GLB1: variants seen among roughly 807,000 people sequenced by gnomAD.
The protein encoded by GLB1 is galactosidase beta 1, also known as beta-galactosidase.
A neutral mutation model predicts 74.0 loss-of-function variants in GLB1; 56 were observed. The ratio of observed to expected loss-of-function variants is 0.76; its 90% CI spans 0.61 to 0.94. The LOEUF is 0.94. GLB1 is among the 40% of genes least tolerant of loss of function. The pLI is 0.00. For missense variants in GLB1, 787 were observed against 845.5 expected (o/e 0.93, Z 0.86); for synonymous variants, 323 against 323.6 (o/e 1.00, Z 0.02).
At chr3:32,990,214 T>C in the GLB1 span, among the ~76,000 whole-genome samples, 1 of 152,236 alleles carries the variant, frequency 6.6e-6, no homozygotes, top group African/African-American at 2.4e-5. Flanking sequence ...AAGCACTTTC[T>C]GCTCTACTCA....
intron 9 of GLB1, among the ~76,000 whole-genome samples, 151 bp downstream of exon 9, chr3:33,051,603 CAAAA>C (rs59740209): frequency 1.3e-5 from 1 of 75,460 alleles, no homozygotes; most frequent in Non-Finnish European, 2.8e-5. Flanking sequence ...AGACTGTCTA[CAAAA>C]AAAAAAAAAA....
chr3:33,068,037 C>T (rs1575471002), intron 4 of GLB1, among the ~76,000 whole-genome samples, 193 bp downstream of exon 4: 1 of 152,186 alleles, frequency 6.6e-6, no homozygotes, highest in South Asian at 2.1e-4. Flanking sequence ...AGGCGCCCAC[C>T]ACCATGCCCA....
chr3:33,082,543 A>G (rs1700360636), intron 1 of GLB1, among the ~76,000 whole-genome samples: 1 of 152,198 alleles, frequency 6.6e-6, no homozygotes, highest in African/African-American at 2.4e-5. Context: ...ATCACAGTAC[A>G]TGATGGTGGC....
the GLB1 span, among the ~76,000 whole-genome samples, chr3:32,974,150 G>C: frequency 1.3e-5 from 2 of 152,128 alleles, no homozygotes; most frequent in Non-Finnish European, 2.9e-5. Flanking sequence ...TGTGGTATGC[G>C]CAAACCATTA....
At chr3:33,011,311 CAGT>C (rs1697012684) in intron 15 of GLB1, among the ~76,000 whole-genome samples, 1 of 151,880 alleles carries the variant, frequency 6.6e-6, no homozygotes, top group Non-Finnish European at 1.5e-5. Flanking sequence ...GTGTTTACAG[CAGT>C]ATTATAATAA....
the GLB1 span, among the ~76,000 whole-genome samples, chr3:32,975,788 T>G: frequency 4.6e-5 from 7 of 152,178 alleles, no homozygotes; most frequent in African/African-American, 1.7e-4. Flanking sequence ...AATAGGATAG[T>G]GTGGAAAGTA....
intron 2 of GLB1, among the ~76,000 whole-genome samples, chr3:33,069,847 T>C (rs1342318340): frequency 2.0e-5 from 3 of 152,196 alleles, no homozygotes; most frequent in African/African-American, 7.2e-5. Flanking sequence ...CAGGGGTACA[T>C]GTGCAGGTTT....
the GLB1 span, among the ~76,000 whole-genome samples, chr3:32,988,825 C>T: frequency 6.6e-6 from 1 of 151,352 alleles, no homozygotes; most frequent in South Asian, 2.1e-4. Context: ...TAGTCCTCCA[C>T]CTAACAACTG....
Position 32,997,107 on chromosome 3 carries a change from C to A in GLB1, c.1972G>T (p.Glu658Ter). ...VTYDHPSKPV[E>*]KRLMPPPPQK... Reference sequence around the variant, plus strand: ...GGGGGTGGGGGCATGAGTCTTTTTTCAACAGGTTTGGAGGGATGATCGTAG... The same window carrying A: ...GGGGGTGGGGGCATGAGTCTTTTTTAAACAGGTTTGGAGGGATGATCGTAG... Residue 658 changes from glutamate to a stop codon, truncating the protein, a stop_gained, in exon 16 of 16, where the codon GAA becomes TAA. Transcript: ENST00000307363. LOFTEE classifies it low-confidence loss of function (END_TRUNC). 6.2e-7 allele frequency: 1 copy of A among 1,614,076 alleles called. No individual in the cohort carries two copies. Among genetic ancestry groups the A allele is most frequent in the South Asian group, 1.1e-5 (1 of 91,080 alleles).
downstream of GLB1, among the ~76,000 whole-genome samples, chr3:32,996,159 C>T (rs906395784): frequency 3.9e-5 from 6 of 152,148 alleles, no homozygotes; most frequent in African/African-American, 1.4e-4. Context: ...AACATAAACT[C>T]AGAACTGTGC....
the GLB1 span, among the ~76,000 whole-genome samples, chr3:32,979,540 G>C: frequency 3.3e-5 from 5 of 151,272 alleles, no homozygotes. Flanking sequence ...CATAAGAAAG[G>C]GTAGAATTTT....
the GLB1 span, among the ~76,000 whole-genome samples, chr3:32,983,508 A>G: frequency 2.0e-5 from 3 of 152,192 alleles, no homozygotes; most frequent in East Asian, 5.8e-4. Flanking sequence ...GATATTTTCA[A>G]GGTTGTTTTA....
intron 10 of GLB1, among the ~76,000 whole-genome samples, chr3:33,043,081 C>T (rs1698570230): frequency 6.6e-6 from 1 of 151,982 alleles, no homozygotes; most frequent in African/African-American, 2.4e-5. Flanking sequence ...TAATAACATA[C>T]AAATCAAGAG....
chr3:33,006,206 T>C (rs1363687383), intron 15 of GLB1, among the ~76,000 whole-genome samples: 1 of 152,200 alleles, frequency 6.6e-6, no homozygotes, highest in Non-Finnish European at 1.5e-5. Flanking sequence ...GTCTGCGGCC[T>C]GTTAGGAACC....
At chr3:33,040,436 C>A (rs1158584847) in intron 10 of GLB1, among the ~76,000 whole-genome samples, 2 of 149,076 alleles carry the variant, frequency 1.3e-5, no homozygotes, top group Admixed American at 6.7e-5. Flanking sequence ...GAGACCCTGG[C>A]TCTACAAAAA....
At chr3:33,037,331 C>T (rs1463194304) in intron 10 of GLB1, among the ~76,000 whole-genome samples, 1 of 152,068 alleles carries the variant, frequency 6.6e-6, no homozygotes. Flanking sequence ...CAGGTATGAG[C>T]CACCACACCT....
At chr3:33,055,822 ACC>A (rs1483075590) in intron 6 of GLB1, among the ~76,000 whole-genome samples, 1 of 151,194 alleles carries the variant, frequency 6.6e-6, no homozygotes, top group African/African-American at 2.4e-5. Flanking sequence ...AACCTAACCA[ACC>A]TAACGGATGA....
chr3:33,018,696 A>G (rs181172120), intron 12 of GLB1, 135 bp from the exon 13 acceptor site: 1 of 936,584 alleles, frequency 1.1e-6, no homozygotes, highest in East Asian at 2.7e-5. Flanking sequence ...TCCCGAAAAA[A>G]TTAAATTTGA....
At chr3:32,964,452 C>T in the GLB1 span, among the ~76,000 whole-genome samples, 1 of 152,180 alleles carries the variant, frequency 6.6e-6, no homozygotes, top group Admixed American at 6.5e-5. Context: ...TCCTTAAGAA[C>T]TTCTTGAGGG....
Sources: allele counts gnomAD v4.1 joint callset (sites outside exome capture counted in the v4.1 genomes callset), GRCh38; gene constraint gnomAD v4.1.1; transcripts MANE v1.5; gene names NCBI Gene and HGNC (gene_info 2026-07-23, HGNC 2026-07-21).